RELN: variants seen among roughly 807,000 people sequenced by gnomAD.
RELN encodes the protein reelin.
Under a neutral mutation model 427.6 loss-of-function variants are expected in RELN, and 108 were observed. The ratio of observed to expected loss-of-function variants is 0.25; its 90% CI spans 0.22 to 0.30. The LOEUF (loss-of-function observed/expected upper bound fraction) is 0.30. Ranked by LOEUF, RELN falls within the 10% of genes least tolerant of loss-of-function variation. RELN has a pLI of 1.00. For missense variants in RELN, 3,715 were observed against 4,302.8 expected (o/e 0.86, Z 3.82); for synonymous variants, 1,524 against 1,513.4 (o/e 1.01, Z -0.16).
intron 2 of RELN, among the ~76,000 whole-genome samples, chr7:103,840,396 T>G (rs185088991): frequency 6.6e-6 from 1 of 152,338 alleles, no homozygotes; most frequent in East Asian, 1.9e-4. Context: ...GATGGTTCCC[T>G]CAGTTCTGTT....
At chr7:103,872,048 T>TTTA (rs1794354380) in intron 2 of RELN, among the ~76,000 whole-genome samples, 13 of 109,296 alleles carry the variant, frequency 1.2e-4, no homozygotes, top group Middle Eastern at 4.6e-3. Context: ...TTTTTCTTTT[T>TTTA]TTTCTTTTTT....
At chr7:103,969,923 T>C (rs1796728797) in intron 1 of RELN, among the ~76,000 whole-genome samples, 1 of 152,170 alleles carries the variant, frequency 6.6e-6, no homozygotes, top group South Asian at 2.1e-4. Context: ...GTAACTTCCA[T>C]GTCAGTGTAT....
chr7:103,569,464 T>C lies in RELN; in HGVS notation c.4589-2705A>G, dbSNP rs1184579835. Among the ~76,000 whole-genome samples the C allele has an allele frequency of 1.3e-5, 2 of 152,234 alleles. No homozygotes were observed. The highest frequency in any genetic ancestry group is 1.3e-4 in the Admixed American group (2 of 15,282). On this transcript the variant is annotated intron_variant, in intron 31 of 64. Transcript: ENST00000428762. This position sits in a 1 kb window ranked among gnomAD's most constrained non-coding sequence, Gnocchi z 4.0. ...ATATTTGATGTCTTAAGCTACTTAG[T>C]TGTGGAATAATTTGTTATGTAGCAT...
chr7:103,693,323 A>T (rs1230693258), intron 10 of RELN, among the ~76,000 whole-genome samples: 1 of 148,324 alleles, frequency 6.7e-6, no homozygotes, highest in Non-Finnish European at 1.5e-5. Context: ...GGAGGGGAAC[A>T]TCACACACTG....
At chr7:103,490,190 C>A (rs1445294952) in intron 59 of RELN, among the ~76,000 whole-genome samples, 1 of 152,144 alleles carries the variant, frequency 6.6e-6, no homozygotes, top group African/African-American at 2.4e-5. Flanking sequence ...GTATCGTTTT[C>A]CAAATCTTTG....
intron 3 of RELN, among the ~76,000 whole-genome samples, chr7:103,800,311 G>A (rs1000194767): frequency 7.9e-5 from 12 of 152,252 alleles, no homozygotes; most frequent in African/African-American, 2.9e-4. Flanking sequence ...AAATCAATGT[G>A]CAAAAATCAA....
intron 8 of RELN, among the ~76,000 whole-genome samples, chr7:103,705,667 C>T (rs997279078): frequency 3.3e-5 from 5 of 152,054 alleles, no homozygotes; most frequent in Admixed American, 6.5e-5. Context: ...TGTAGGGTTA[C>T]GAGAATGGAT....
intron 2 of RELN, among the ~76,000 whole-genome samples, chr7:103,863,499 C>T (rs113033322): frequency 6.6e-6 from 1 of 152,162 alleles, no homozygotes; most frequent in Admixed American, 6.6e-5. Flanking sequence ...TGTATCCCTG[C>T]AATGGGAGTA....
intron 1 of RELN, among the ~76,000 whole-genome samples, chr7:103,966,099 C>G (rs895852020): frequency 1.3e-5 from 2 of 152,162 alleles, no homozygotes; most frequent in Non-Finnish European, 2.9e-5. Flanking sequence ...TGGCATATTT[C>G]TGGTCACAAA....
Position 103,773,338 on chromosome 7 carries a change from G to T in RELN, c.544+3219C>A, listed in dbSNP as rs1380071622. The stretch of plus-strand genomic sequence containing the variant: ...CTCCCTCCGTCTCTCTCTCTCCCTC[G>T]CTTCCTCTCTCTCTCTCCCTCTCTC... On this transcript the variant is annotated intron_variant, in intron 4 of 64. Coordinates refer to ENST00000428762, the MANE Select transcript of RELN (RefSeq NM_005045.4). Among the ~76,000 whole-genome samples, 43 of 13,372 alleles carry T rather than the reference G, an allele frequency of 3.2e-3. 1 individual carries two copies. The highest frequency in any genetic ancestry group is 4.7e-3 in the African/African-American group (10 of 2,128). 8.8% of individuals were successfully genotyped at this position (13,372 alleles called of 152,430 possible). A position where few individuals can be genotyped will look rare whatever the true frequency, so the allele number is the denominator to read the frequency against.
chr7:103,890,903 C>G (rs550929870), intron 2 of RELN, among the ~76,000 whole-genome samples: 51 of 152,170 alleles, frequency 3.4e-4, no homozygotes, highest in Middle Eastern at 3.4e-3. Flanking sequence ...TGGTGAAACC[C>G]CGTCTCTACT....
intron 50 of RELN, among the ~76,000 whole-genome samples, chr7:103,512,059 A>G (rs1829437570): frequency 6.6e-6 from 1 of 152,164 alleles, no homozygotes. Context: ...TGTTCAGTGC[A>G]CAATATAATC....
chr7:103,947,090 T>G (rs190893125), intron 1 of RELN, among the ~76,000 whole-genome samples: 5 of 152,322 alleles, frequency 3.3e-5, no homozygotes, highest in Non-Finnish European at 7.4e-5. Flanking sequence ...TTAAAACTAA[T>G]GTTGGCATTT....
At chr7:103,623,566 C>G (rs1303239175) in intron 20 of RELN, among the ~76,000 whole-genome samples, 2 of 152,138 alleles carry the variant, frequency 1.3e-5, no homozygotes, top group East Asian at 3.8e-4. Flanking sequence ...TCATGTTTAC[C>G]AACAACACAA....
chr7:103,565,656 T>G, intron 33 of RELN, 105 bp from the exon 34 acceptor site: 11 of 1,022,968 alleles, frequency 1.1e-5, no homozygotes, highest in Non-Finnish European at 1.6e-5. Flanking sequence ...AATCATGGCC[T>G]ATCTTTAGTG....
At chr7:103,485,381 T>A (rs1157766803) in intron 61 of RELN, among the ~76,000 whole-genome samples, 1 of 152,194 alleles carries the variant, frequency 6.6e-6, no homozygotes, top group African/African-American at 2.4e-5. Flanking sequence ...AATATTATAT[T>A]TTCCAAAGTG....
intron 3 of RELN, among the ~76,000 whole-genome samples, chr7:103,777,451 T>G (rs1339358191): frequency 6.6e-6 from 1 of 152,164 alleles, no homozygotes; most frequent in Non-Finnish European, 1.5e-5. Context: ...AACAAAAAAA[T>G]TAGCATGAAA....
At position 103,620,465 on chromosome 7, in the gene RELN, C is replaced by T. The variant is rs959037131; in HGVS notation, c.2703-8662G>A. On this transcript the variant is annotated intron_variant, in intron 20 of 64. Transcript: ENST00000428762. This position sits in a 1 kb window ranked among gnomAD's most constrained non-coding sequence, Gnocchi z 4.1. ...TTCGATTTTGGTTGAAGATAACTCA[C>T]CCGATCCACATTTTTTTTTTTTTTT... Among the ~76,000 whole-genome samples the T allele has an allele frequency of 2.1e-4, 28 of 133,846 alleles. No individual in the cohort carries two copies. The highest frequency in any genetic ancestry group is 8.0e-4 in the African/African-American group (27 of 33,892). The allele number at this position is 133,846 out of a possible 152,430, so 87.8% of individuals were successfully genotyped here. A position where few individuals can be genotyped will look rare whatever the true frequency, so the allele number is the denominator to read the frequency against.
chr7:103,492,203 A>G (rs1216375374), intron 57 of RELN, among the ~76,000 whole-genome samples, 177 bp from the exon 58 acceptor site: 1 of 152,184 alleles, frequency 6.6e-6, no homozygotes, highest in Non-Finnish European at 1.5e-5. Flanking sequence ...AAGATGTTCA[A>G]TTTTGCATGG....
Sources: gnomAD v4.1 joint callset for allele counts (sites outside exome capture counted in the v4.1 genomes callset) on GRCh38, gnomAD v4.1.1 for gene constraint, Gnocchi (gnomAD v3.1) non-coding constraint, MANE v1.5 for transcripts, NCBI Gene and HGNC (gene_info 2026-07-23, HGNC 2026-07-21) for gene names.